DTNA: variants seen among roughly 807,000 people sequenced by gnomAD.
DTNA encodes the protein dystrobrevin alpha, also known as dystrophin-related protein 3.
DTNA carries 43 observed loss-of-function variants against 100.7 expected under a neutral mutation model. The ratio of observed to expected loss-of-function variants is 0.43; its 90% CI spans 0.33 to 0.55. The LOEUF is 0.55. Among genes scored for constraint, DTNA ranks in the 20% least tolerant of loss-of-function variants. The pLI is 0.04. For synonymous variants in DTNA, 349 were observed against 347.9 expected, an observed-to-expected ratio of 1.00 and a Z score of -0.04; for missense variants, 798 against 953.9, an observed-to-expected ratio of 0.84 and a Z score of 2.15.
chr18:34,659,649 C>T (rs1040543549), intron 1 of DTNA, among the ~76,000 whole-genome samples: 7 of 152,094 alleles, frequency 4.6e-5, no homozygotes, highest in African/African-American at 1.2e-4. Context: ...CACACACACA[C>T]ACACACACTC....
At chr18:34,795,644 A>G (rs940457916) in intron 4 of DTNA, among the ~76,000 whole-genome samples, 1 of 152,222 alleles carries the variant, frequency 6.6e-6, no homozygotes, top group African/African-American at 2.4e-5. Context: ...AAAGATGTCA[A>G]GAGACTTATT....
rs927190101 is a variant in DTNA, at chr18:34,843,353, AT to A, written c.1346+4525del. Among the ~76,000 whole-genome samples, 34 of 151,850 alleles carry A rather than the reference AT, an allele frequency of 2.2e-4. No homozygotes were observed. In the East Asian group the frequency reaches 3.3e-3, roughly 15 times the overall value. On this transcript the variant is annotated intron_variant, in intron 13 of 22. Coordinates refer to ENST00000444659, the MANE Select transcript of DTNA (RefSeq NM_001386795.1). ...AACTTAAAGTGATAATTGGGCAAGA[AT>A]TTTTTTTTAATTTTAATGCCCCCCT...
chr18:34,629,112 A>G (rs1488047565), intron 1 of DTNA, among the ~76,000 whole-genome samples: 1 of 152,194 alleles, frequency 6.6e-6, no homozygotes, highest in Non-Finnish European at 1.5e-5. Context: ...ATTCTCTGCT[A>G]TGTTTACACA....
At chr18:34,866,576 G>A (rs1237372126) in intron 17 of DTNA, 2 of 1,012,950 alleles carry the variant, frequency 2.0e-6, no homozygotes, top group African/African-American at 3.4e-5. Flanking sequence ...TGAGTATTCA[G>A]TTCGGTTTCA....
At chr18:34,859,807 G>C (rs1265385464) in intron 16 of DTNA, among the ~76,000 whole-genome samples, 2 of 152,154 alleles carry the variant, frequency 1.3e-5, no homozygotes, top group Non-Finnish European at 2.9e-5. Context: ...GGAGTAGCAG[G>C]CCTTGGAAAA....
At chr18:34,882,483 C>G (rs1272248938) in intron 21 of DTNA, among the ~76,000 whole-genome samples, 1 of 152,116 alleles carries the variant, frequency 6.6e-6, no homozygotes, top group Non-Finnish European at 1.5e-5. Context: ...ATTCTCCTGC[C>G]TCAGCCTCCC....
intron 1 of DTNA, among the ~76,000 whole-genome samples, chr18:34,564,943 G>A (rs1182910455): frequency 1.3e-5 from 2 of 152,158 alleles, no homozygotes; most frequent in South Asian, 4.1e-4. Context: ...TAAAACATAT[G>A]TAATTATGAG....
intron 1 of DTNA, among the ~76,000 whole-genome samples, chr18:34,547,761 C>T (rs1568628610): frequency 2.0e-5 from 3 of 152,136 alleles, no homozygotes; most frequent in Non-Finnish European, 2.9e-5. Context: ...AAAAGACATA[C>T]GACTGAGCTT....
At chr18:34,829,295 G>A in intron 10 of DTNA, 105 bp from the exon 11 acceptor site, 1 of 1,522,164 alleles carries the variant, frequency 6.6e-7, no homozygotes, top group Non-Finnish European at 8.8e-7. Context: ...TGTTTTGAGG[G>A]TGCTGTTCAA....
At chr18:34,771,626 G>C (rs1217712273) in intron 3 of DTNA, among the ~76,000 whole-genome samples, 11 of 152,084 alleles carry the variant, frequency 7.2e-5, no homozygotes, top group Admixed American at 7.2e-4. Flanking sequence ...GATGTAACTA[G>C]CACATTCTCT....
At chr18:34,698,926 C>T (rs2080982735) in intron 1 of DTNA, among the ~76,000 whole-genome samples, 1 of 151,494 alleles carries the variant, frequency 6.6e-6, no homozygotes, top group African/African-American at 2.4e-5. Flanking sequence ...CAATACTTTG[C>T]ATCCTTCAAT....
chr18:34,888,921 T>TGGTCA lies in DTNA; in HGVS notation c.*1188_*1192dup. Reference sequence around the variant, plus strand: ...CTGGTGTTCTGCATGTAGCCTTCTGTGGTCATGTGAAAGGAGACAGGCTCT... The same window carrying TGGTCA: ...CTGGTGTTCTGCATGTAGCCTTCTGTGGTCAGGTCATGTGAAAGGAGACAGGCTCT... On this transcript the variant is annotated 3_prime_UTR_variant, in exon 23 of 23. Transcript: ENST00000444659. 1.0e-6 allele frequency: 1 copy of TGGTCA among 985,844 alleles called. No homozygotes were observed. The highest frequency in any genetic ancestry group is 1.2e-6 in the Non-Finnish European group (1 of 829,938). The allele number at this position is 985,844 out of a possible 1,614,324, so 61.1% of individuals were successfully genotyped here. A position where few individuals can be genotyped will look rare whatever the true frequency, so the allele number is the denominator to read the frequency against.
In DTNA at chr18:34,872,817, C is replaced by T. The variant is rs978327168; in HGVS notation, c.1744-2422C>T. Among the ~76,000 whole-genome samples, 4 of 152,318 alleles carry T rather than the reference C, an allele frequency of 2.6e-5. No homozygotes were observed. In the East Asian group the frequency reaches 7.7e-4, roughly 29 times the overall value. On this transcript the variant is annotated intron_variant, in intron 17 of 22. Transcript: ENST00000444659. ...CTTTTCCCTCTTCAGGCTGCTGAAC[C>T]TTTCTATAGTAGTGAAGCATAGATG...
At chr18:34,649,490 T>G (rs963321610) in intron 1 of DTNA, among the ~76,000 whole-genome samples, 1 of 152,186 alleles carries the variant, frequency 6.6e-6, no homozygotes, top group African/African-American at 2.4e-5. Flanking sequence ...CATTTACATG[T>G]GTTAAATGTT....
At chr18:34,628,906 GT>G (rs2057701607) in intron 1 of DTNA, among the ~76,000 whole-genome samples, 1 of 152,050 alleles carries the variant, frequency 6.6e-6, no homozygotes, top group African/African-American at 2.4e-5. Flanking sequence ...CTGAAATAAT[GT>G]TAATAATTTT....
At chr18:34,851,735 C>A in intron 14 of DTNA, 96 bp from the exon 15 acceptor site, 2 of 1,282,094 alleles carry the variant, frequency 1.6e-6, no homozygotes, top group East Asian at 2.4e-5. Context: ...AGAAATAATT[C>A]CCTCCTCCTT....
intron 9 of DTNA, chr18:34,822,409 G>C (rs2095747251): frequency 6.6e-6 from 1 of 152,158 alleles, no homozygotes; most frequent in Non-Finnish European, 1.5e-5. Flanking sequence ...AGCCCTGCTG[G>C]GAGTTTCACC....
intron 1 of DTNA, among the ~76,000 whole-genome samples, chr18:34,584,287 A>G (rs1428622784): frequency 6.6e-6 from 1 of 152,218 alleles, no homozygotes; most frequent in East Asian, 1.9e-4. Context: ...GAAAGTCTCC[A>G]ACAAAGAGAC....
In DTNA at chr18:34,889,341, G is replaced by A. The variant is rs2096950238; in HGVS notation, c.*1607G>A. 1 of 981,962 alleles carries A rather than the reference G, an allele frequency of 1.0e-6. No homozygotes were observed. The highest frequency in any genetic ancestry group is 1.2e-6 in the Non-Finnish European group (1 of 826,960). The allele number at this position is 981,962 out of a possible 1,614,324, so 60.8% of individuals were successfully genotyped here. On this transcript the variant is annotated 3_prime_UTR_variant, in exon 23 of 23. Transcript: ENST00000444659. ...CCACCTCAGGCCTACTGAATCAGAA[G>A]CTCTGGGGGTTGGGTCCAGAAGTCT...
Sources: allele counts gnomAD v4.1 joint callset (sites outside exome capture counted in the v4.1 genomes callset), GRCh38; gene constraint gnomAD v4.1.1; transcripts MANE v1.5; gene names NCBI Gene and HGNC (gene_info 2026-07-23, HGNC 2026-07-21).